Variants in TJP3 observed in about 807,000 individuals in gnomAD.
The protein encoded by TJP3 is tight junction protein ZO-3.
In TJP3, 85 loss-of-function variants were observed where a neutral mutation model predicts 104.2. The ratio of observed to expected loss-of-function variants is 0.82; its 90% confidence interval spans 0.68 to 0.98. TJP3 has a LOEUF of 0.98. TJP3 is among the 50% of genes least tolerant of loss of function. The pLI, the probability that TJP3 is intolerant of heterozygous loss-of-function variation, is 0.00. For synonymous variants in TJP3, 550 were observed against 550.6 expected, an observed-to-expected ratio of 1.00 and a Z score of 0.02; for missense variants, 1,367 against 1,322.8, an observed-to-expected ratio of 1.03 and a Z score of -0.52.
At chr19:3,750,053 G>A (rs918080289) in intron 19 of TJP3, 85 bp from the exon 20 acceptor site, 6 of 1,571,538 alleles carry the variant, frequency 3.8e-6, no homozygotes, top group African/African-American at 2.7e-5. Flanking sequence ...GGGCCAAGGT[G>A]GGGGATGGGA....
At chr19:3,739,288 G>A (rs1266369698) in intron 13 of TJP3, among the ~76,000 whole-genome samples, 154 bp downstream of exon 13, 2 of 152,268 alleles carry the variant, frequency 1.3e-5, no homozygotes, top group African/African-American at 2.4e-5. Flanking sequence ...TCAAGAGATC[G>A]AGACCATCCT....
In TJP3 at chr19:3,747,979, G is replaced by A; in HGVS notation, c.2508G>A (p.Glu836=). The A allele has an allele frequency of 6.2e-7, 1 of 1,612,452 alleles. No homozygotes were observed. Among genetic ancestry groups the A allele is most frequent in the Admixed American group, 1.7e-5 (1 of 59,942 alleles). ...EGGPYTDVDD[E]PPAPALARSS... Reference sequence around the variant, plus strand: ...GGCCCTACACGGATGTGGATGATGAGCCCCCGGCTCCAGCCCTGGCCCGGT... The same window carrying A: ...GGCCCTACACGGATGTGGATGATGAACCCCCGGCTCCAGCCCTGGCCCGGT... Residue 836 remains glutamate (E), a synonymous_variant, in exon 19 of 21, where the codon GAG becomes GAA. Coordinates refer to ENST00000541714, the MANE Select transcript of TJP3 (RefSeq NM_001267560.2).
chr19:3,731,620 T>C (rs2074993), intron 5 of TJP3, among the ~76,000 whole-genome samples: 42,975 of 151,810 alleles, frequency 0.28, 6,293 homozygotes, highest in East Asian at 0.38. Flanking sequence ...GCGATAGGAG[T>C]GAGACTCCTT....
intron 14 of TJP3, among the ~76,000 whole-genome samples, chr19:3,742,433 G>A (rs2036834539): frequency 6.6e-6 from 1 of 151,440 alleles, no homozygotes; most frequent in African/African-American, 2.4e-5. Context: ...ACTCTGGGGG[G>A]AAAAATGCCT....
intron 1 of TJP3, among the ~76,000 whole-genome samples, chr19:3,719,747 A>AG (rs1468632926): frequency 1.3e-5 from 2 of 150,576 alleles, no homozygotes; most frequent in East Asian, 3.9e-4. Context: ...AAAAAAAAAA[A>AG]AAAAAAAGAA....
rs942218635 is a variant in TJP3, at chr19:3,750,009, T to C, written c.2611-129T>C. 5.1e-6 allele frequency: 6 copies of C among 1,177,808 alleles called. No homozygotes were observed. In the African/African-American group the frequency reaches 6.1e-5, roughly 12 times the overall value. The allele number at this position is 1,177,808 out of a possible 1,614,324, so 73.0% of individuals were successfully genotyped here. On this transcript the variant is annotated intron_variant, in intron 19 of 20. Coordinates refer to ENST00000541714, the MANE Select transcript of TJP3 (RefSeq NM_001267560.2). ...TTAGATTTGGGGATGACCTGCAGAC[T>C]TGTCACGGGGTTAGCAAGTGGGCAG... is the stretch of plus-strand genomic sequence containing the variant.
rs976371338 is a variant in TJP3, at chr19:3,717,211, C to T, written c.-10+8650C>T. Reference sequence around the variant, plus strand: ...AACTCCCAACCTCAGGTGATCCGCCCGCCTCGACCTCCCAAAGTGCTGGGA... The same window carrying T: ...AACTCCCAACCTCAGGTGATCCGCCTGCCTCGACCTCCCAAAGTGCTGGGA... On this transcript the variant is annotated intron_variant, in intron 1 of 20. Transcript: ENST00000541714. Among the ~76,000 whole-genome samples the T allele has an allele frequency of 2.7e-5, 4 of 145,870 alleles. 1 individual carries two copies. The highest frequency in any genetic ancestry group is 9.8e-5 in the African/African-American group (4 of 40,928).
At chr19:3,725,291 C>A (rs1242285968) in intron 1 of TJP3, among the ~76,000 whole-genome samples, 1 of 151,346 alleles carries the variant, frequency 6.6e-6, no homozygotes, top group African/African-American at 2.4e-5. Context: ...AACCAACCAA[C>A]CAACCAAAAA....
chr19:3,740,611 C>T lies in TJP3; in HGVS notation c.1691C>T (p.Ser564Phe), dbSNP rs2036801207. 6.4e-7 allele frequency: 1 copy of T among 1,572,480 alleles called. No homozygotes were observed. Reference protein sequence around the residue: ...AQRAVGVGPGSSAGSNARAEF... With the variant: ...AQRAVGVGPGFSAGSNARAEF... The stretch of plus-strand genomic sequence containing the variant: ...AGGGCCGTGGGAGTCGGGCCCGGCT[C>T]CTCCGCGGGCTCCAATGCTCGGGCC... The change falls in exon 14 of 21, where the codon TCC (serine) becomes TTC (phenylalanine). Residue 564 changes from serine to phenylalanine, a missense_variant. Transcript: ENST00000541714.
chr19:3,711,456 C>A (rs1309351543), intron 1 of TJP3, among the ~76,000 whole-genome samples: 5 of 151,688 alleles, frequency 3.3e-5, no homozygotes, highest in Non-Finnish European at 7.4e-5. Context: ...GCCTCGGCCT[C>A]CCAAAGTGCT....
At chr19:3,744,980 G>C (rs1288271396) in intron 15 of TJP3, among the ~76,000 whole-genome samples, 1 of 151,856 alleles carries the variant, frequency 6.6e-6, no homozygotes, top group African/African-American at 2.4e-5. Context: ...GGGTGTGGTG[G>C]CTCACATGTA....
chr19:3,744,707 C>T (rs949443845), intron 15 of TJP3, among the ~76,000 whole-genome samples: 1 of 150,478 alleles, frequency 6.6e-6, no homozygotes, highest in African/African-American at 2.4e-5. Flanking sequence ...GGAGGCCGGG[C>T]GCAGTGGTCA....
intron 20 of TJP3, 60 bp from the exon 21 acceptor site, chr19:3,750,522 A>T: frequency 7.1e-7 from 1 of 1,418,110 alleles, no homozygotes; most frequent in Non-Finnish European, 9.8e-7. Flanking sequence ...GCCTCAGTTT[A>T]TGGTGAGAAA....
In TJP3 at chr19:3,738,970, T is replaced by G; in HGVS notation, c.1467T>G (p.Ser489Arg). 1 of 1,613,262 alleles carries G rather than the reference T, an allele frequency of 6.2e-7. No homozygotes were observed. Among genetic ancestry groups the G allele is most frequent in the Non-Finnish European group, 8.5e-7 (1 of 1,179,810 alleles). The change falls in exon 13 of 21, where the codon AGT becomes AGG. Residue 489 changes from serine to arginine, a missense_variant. Physicochemically the swap from Ser to Arg is moderately radical, Grantham distance 110. Transcript: ENST00000541714. Reference protein sequence around the residue: ...YIRTHFELEPSPPSGLGFTRG... With the variant: ...YIRTHFELEPRPPSGLGFTRG... ...GCACTCACTTTGAGCTGGAGCCCAG[T>G]CCACCGTCTGGCCTGGGCTTCACCC...
At position 3,731,996 on chromosome 19, in the gene TJP3, T is replaced by A; in HGVS notation, c.675T>A (p.Ala225=). 1 of 1,613,592 alleles carries A rather than the reference T, an allele frequency of 6.2e-7. No individual in the cohort carries two copies. Among genetic ancestry groups the A allele is most frequent in the South Asian group, 1.1e-5 (1 of 90,992 alleles). Residue 225 remains alanine (A), a synonymous_variant, in exon 6 of 21, where the codon GCT becomes GCA. Transcript: ENST00000541714. ...AGCACATTACAGATTCGGGCCTGGC[T>A]GCCCGGCACCGTGGGCTGCAGGAAG... The part of the protein sequence containing the change: ...FIKHITDSGL[A]ARHRGLQEGD...
intron 14 of TJP3, among the ~76,000 whole-genome samples, chr19:3,742,368 G>A (rs1430958599): frequency 6.6e-6 from 1 of 151,952 alleles, no homozygotes; most frequent in Non-Finnish European, 1.5e-5. Context: ...AGGAGGTCGA[G>A]GCTGCGGAGA....
At chr19:3,729,030 G>C (rs2036636482) in intron 3 of TJP3, among the ~76,000 whole-genome samples, 1 of 152,170 alleles carries the variant, frequency 6.6e-6, no homozygotes, top group African/African-American at 2.4e-5. Context: ...TCCAGCCTGG[G>C]TGACAGAGTG....
At chr19:3,734,068 A>T (rs774489104) in intron 7 of TJP3, among the ~76,000 whole-genome samples, 156 bp downstream of exon 7, 5 of 152,136 alleles carry the variant, frequency 3.3e-5, no homozygotes, top group Non-Finnish European at 7.4e-5. Flanking sequence ...TCAAGAGTTC[A>T]GGGGGGCGAT....
At chr19:3,717,498 T>G (rs994823149) in intron 1 of TJP3, among the ~76,000 whole-genome samples, 1 of 150,546 alleles carries the variant, frequency 6.6e-6, no homozygotes, top group Admixed American at 6.6e-5. Context: ...TGCAGTGGCG[T>G]GATCTCAGCT....
Sources: allele counts gnomAD v4.1 joint callset (sites outside exome capture counted in the v4.1 genomes callset), GRCh38; gene constraint gnomAD v4.1.1; transcripts MANE v1.5; gene names NCBI Gene and HGNC (gene_info 2026-07-23, HGNC 2026-07-21).